The following PCDHA6 variants were observed in gnomAD, a reference collection of about 807,000 sequenced individuals.
The protein encoded by PCDHA6 is protocadherin alpha-6.
Under a neutral mutation model 60.3 loss-of-function variants are expected in PCDHA6, and 55 were observed. The ratio of observed to expected loss-of-function variants is 0.91; its 90% confidence interval spans 0.73 to 1.14. The LOEUF (loss-of-function observed/expected upper bound fraction) is 1.14, where lower values mean the gene tolerates loss of function less well. Ranked by LOEUF, PCDHA6 falls within the 50% of genes most tolerant of loss-of-function variation. The probability of loss-of-function intolerance (pLI) is 0.00; values close to 1 mark genes in which losing one functional copy is unlikely to be tolerated. For missense variants in PCDHA6, 1,327 were observed against 1,256.5 expected, an observed-to-expected ratio of 1.06 and a Z score of -0.85; for synonymous variants, 652 against 557.9, an observed-to-expected ratio of 1.17 and a Z score of -2.38.
In PCDHA6 at chr5:140,852,899, G is replaced by A; in HGVS notation, c.2394+22414G>A. On this transcript the variant is annotated intron_variant, in intron 1 of 3. Transcript: ENST00000529310. ...TCATAAAACGTATTTTTTTTTTTGA[G>A]TCAGAGTCTCGCTCTGTTGCCCAGG... 4.8e-6 allele frequency: 4 copies of A among 840,714 alleles called. 1 individual carries two copies. Among genetic ancestry groups the A allele is most frequent in the Non-Finnish European group, 5.8e-6 (4 of 685,948 alleles). The allele number at this position is 840,714 out of a possible 1,614,324, so 52.1% of individuals were successfully genotyped here.
rs782357436 is a variant in PCDHA6, at chr5:140,876,751, G to T, written c.2394+46266G>T. On this transcript the variant is annotated intron_variant, in intron 1 of 3. Transcript: ENST00000529310. ...GTCGGCCTATGAGCTGGTGGTGACTGCGCGGGATGGGGGCTCGCCTTCGCT... is the reference window on the plus strand; with the variant it reads ...GTCGGCCTATGAGCTGGTGGTGACTTCGCGGGATGGGGGCTCGCCTTCGCT... 2.5e-6 allele frequency: 4 copies of T among 1,614,258 alleles called. No individual in the cohort carries two copies. The Admixed American group carries it at 6.7e-5, about 27-fold the overall frequency.
chr5:140,927,209 A>G, intron 1 of PCDHA6: 2 of 1,614,092 alleles, frequency 1.2e-6, no homozygotes, highest in Non-Finnish European at 1.7e-6. Context: ...GACCCGCTGG[A>G]GCTGCACAAG....
intron 3 of PCDHA6, among the ~76,000 whole-genome samples, chr5:140,992,036 TG>T (rs2097488420): frequency 6.6e-6 from 1 of 151,818 alleles, no homozygotes; most frequent in African/African-American, 2.4e-5. Flanking sequence ...TGTGTGTGTG[TG>T]TGTGTGTGTG....
intron 1 of PCDHA6, among the ~76,000 whole-genome samples, chr5:140,904,904 C>T (rs1463349424): frequency 6.6e-6 from 1 of 151,948 alleles, no homozygotes; most frequent in East Asian, 1.9e-4. Context: ...GTTTTTCTTA[C>T]TGATTTGTTT....
At chr5:140,982,447 C>G (rs782801484) in intron 2 of PCDHA6, 28 bp from the exon 3 acceptor site, 1 of 1,613,782 alleles carries the variant, frequency 6.2e-7, no homozygotes, top group South Asian at 1.1e-5. Flanking sequence ...ATGATCTAAC[C>G]GTTATCTGGG....
chr5:140,971,541 G>C (rs544682624), intron 1 of PCDHA6, among the ~76,000 whole-genome samples: 1 of 152,290 alleles, frequency 6.6e-6, no homozygotes, highest in Non-Finnish European at 1.5e-5. Flanking sequence ...ATCATTGCCA[G>C]ATCAACCTGT....
chr5:140,836,616 G>A, intron 1 of PCDHA6: 5 of 1,613,694 alleles, frequency 3.1e-6, no homozygotes, highest in Non-Finnish European at 4.2e-6. Context: ...CTCCAGCGCG[G>A]TGGGGAGCTG....
chr5:140,856,398 A>G, intron 1 of PCDHA6: 1 of 1,598,482 alleles, frequency 6.3e-7, no homozygotes, highest in Non-Finnish European at 8.6e-7. Flanking sequence ...CAGGTTTTCC[A>G]TGTGGACGTG....
chr5:141,009,686 A>G lies in PCDHA6; in HGVS notation c.2602A>G (p.Thr868Ala). Residue 868 changes from threonine to alanine, a missense_variant, in exon 4 of 4, where the codon ACC becomes GCC. Thr to Ala is a moderately conservative substitution (Grantham distance 58). Coordinates refer to ENST00000529310, the MANE Select transcript of PCDHA6 (RefSeq NM_018909.4). ...VGAGVNSNSW[T>A]FKYGPGNPKQ... ...TGCGGGTGTCAACAGCAACAGCTGG[A>G]CCTTTAAATACGGACCAGGCAACCC... is the stretch of plus-strand genomic sequence containing the variant. The G allele has an allele frequency of 6.2e-7, 1 of 1,613,998 alleles. No homozygotes were observed. The highest frequency in any genetic ancestry group is 8.5e-7 in the Non-Finnish European group (1 of 1,179,996).
At position 140,828,334 on chromosome 5, in the gene PCDHA6, T is replaced by G. The variant is rs782374670; in HGVS notation, c.243T>G (p.Asn81Lys). 3.7e-6 allele frequency: 6 copies of G among 1,614,106 alleles called. No individual in the cohort carries two copies. The highest frequency in any genetic ancestry group is 5.1e-6 in the Non-Finnish European group (6 of 1,180,052). Residue 81 changes from asparagine to lysine, a missense_variant, in exon 1 of 4, where the codon AAT becomes AAG. Asn to Lys is a moderately conservative substitution (Grantham distance 94). Coordinates refer to ENST00000529310, the MANE Select transcript of PCDHA6 (RefSeq NM_018909.4). ...ACCTTCTGGAGGTAAATCTGCAGAA[T>G]GGCATTTTGTTTGTGAATTCTCGGA... ...REDLLEVNLQNGILFVNSRID... is the reference protein window; with the variant it reads ...REDLLEVNLQKGILFVNSRID...
intron 1 of PCDHA6, among the ~76,000 whole-genome samples, chr5:140,887,589 T>C (rs1271786236): frequency 6.6e-6 from 1 of 152,120 alleles, no homozygotes; most frequent in Non-Finnish European, 1.5e-5. Context: ...CTTTTGCAGA[T>C]TGATTGTGAT....
intron 1 of PCDHA6, among the ~76,000 whole-genome samples, chr5:140,965,377 A>T (rs1479954226): frequency 6.6e-6 from 1 of 152,190 alleles, no homozygotes; most frequent in African/African-American, 2.4e-5. Context: ...AAACTTGGGG[A>T]CACAGAAGAA....
intron 1 of PCDHA6, chr5:140,876,304 TCCTATGGGATC>T (rs1173311877): frequency 1.9e-6 from 3 of 1,613,956 alleles, no homozygotes; most frequent in Non-Finnish European, 2.5e-6. Context: ...TGGAGAAATT[TCCTATGGGATC>T]AAAATGATTT....
chr5:141,001,378 C>T (rs889628264), intron 3 of PCDHA6, among the ~76,000 whole-genome samples: 20 of 152,166 alleles, frequency 1.3e-4, no homozygotes, highest in African/African-American at 4.8e-4. Flanking sequence ...GATTACAGAG[C>T]CTAAGATCCT....
chr5:140,843,106 C>G lies in PCDHA6; in HGVS notation c.2394+12621C>G, dbSNP rs1265467066. The G allele has an allele frequency of 1.2e-5, 19 of 1,595,592 alleles. 3 individuals are homozygous for G. The highest frequency in any genetic ancestry group is 1.6e-5 in the Non-Finnish European group (19 of 1,165,474). ...CGGGCCACGTGGTAGCGAAGGTGCG[C>G]GCAGTGGACGCCGACTCGGGCTACA... is the stretch of plus-strand genomic sequence containing the variant. On this transcript the variant is annotated intron_variant, in intron 1 of 3. Transcript: ENST00000529310.
intron 1 of PCDHA6, among the ~76,000 whole-genome samples, chr5:140,923,186 C>T (rs559668347): frequency 2.0e-5 from 3 of 152,206 alleles, no homozygotes; most frequent in African/African-American, 7.2e-5. Context: ...GATGCATCTA[C>T]TGCAGCAATT....
intron 1 of PCDHA6, chr5:140,836,797 C>T: frequency 7.4e-7 from 1 of 1,343,980 alleles, no homozygotes; most frequent in Non-Finnish European, 1.0e-6. Context: ...AATTGGTCTC[C>T]TTAAATTTTC....
chr5:140,950,896 A>G (rs1023778505), intron 1 of PCDHA6, among the ~76,000 whole-genome samples: 1 of 151,834 alleles, frequency 6.6e-6, no homozygotes, highest in Non-Finnish European at 1.5e-5. Context: ...TCTGAGATTT[A>G]TTTTATTTTT....
At chr5:140,937,174 A>G (rs1449263512) in intron 1 of PCDHA6, among the ~76,000 whole-genome samples, 1 of 151,302 alleles carries the variant, frequency 6.6e-6, no homozygotes, top group Non-Finnish European at 1.5e-5. Flanking sequence ...AGTAGCTGGG[A>G]CTACAGGCGC....
Sources: allele counts gnomAD v4.1 joint callset (sites outside exome capture counted in the v4.1 genomes callset), GRCh38; gene constraint gnomAD v4.1.1; transcripts MANE v1.5; gene names NCBI Gene and HGNC (gene_info 2026-07-23, HGNC 2026-07-21).